The following NDRG1 variants were observed in gnomAD, a reference collection of about 807,000 sequenced individuals.
NDRG1 encodes the protein N-myc downstream regulated 1.
NDRG1 carries 32 observed loss-of-function variants against 56.9 expected under a neutral mutation model. That is an observed-to-expected ratio of 0.56 (90% CI 0.42 to 0.76). The LOEUF is 0.76. Ranked by LOEUF, NDRG1 falls within the 30% of genes least tolerant of loss-of-function variation. The pLI, the probability that NDRG1 is intolerant of heterozygous loss-of-function variation, is 0.00. For synonymous variants in NDRG1, 211 were observed against 204.1 expected (o/e 1.03, Z -0.29); for missense variants, 507 against 545.7 (o/e 0.93, Z 0.71).
intron 6 of NDRG1, 101 bp from the exon 7 acceptor site, chr8:133,258,527 A>G: frequency 9.2e-7 from 1 of 1,092,460 alleles, no homozygotes; most frequent in Non-Finnish European, 1.4e-6. Context: ...TGGCTAGGCA[A>G]TGCGGGAGCA....
chr8:133,296,905 C>T (rs1468520986), intron 1 of NDRG1: 3 of 195,604 alleles, frequency 1.5e-5, no homozygotes, highest in Non-Finnish European at 3.3e-5. Context: ...TGAATGGGAC[C>T]CTGTCTTTTT....
intron 9 of NDRG1, among the ~76,000 whole-genome samples, chr8:133,254,283 T>A (rs1405885705): frequency 6.6e-6 from 1 of 152,256 alleles, no homozygotes; most frequent in Non-Finnish European, 1.5e-5. Flanking sequence ...TGTATATGCA[T>A]GTCAATTGTA....
At chr8:133,239,534 A>G (rs1156306798) in intron 15 of NDRG1, 2 of 266,844 alleles carry the variant, frequency 7.5e-6, no homozygotes, top group Non-Finnish European at 7.4e-6. Context: ...CAGGGAGGAC[A>G]CCTGGGGTCA....
At chr8:133,279,379 G>T (rs148834107) in intron 3 of NDRG1, among the ~76,000 whole-genome samples, 6 of 152,226 alleles carry the variant, frequency 3.9e-5, no homozygotes, top group South Asian at 2.1e-4. Context: ...CGGGATGGAT[G>T]GGGGAGCATT....
At chr8:133,254,816 A>G in intron 8 of NDRG1, 1 of 583,070 alleles carries the variant, frequency 1.7e-6, no homozygotes, top group Non-Finnish European at 3.1e-6. Context: ...CCAGTTCCTT[A>G]TTTTCAGAGG....
intron 15 of NDRG1, chr8:133,241,321 T>C (rs1233612628): frequency 6.4e-6 from 1 of 155,934 alleles, no homozygotes; most frequent in Non-Finnish European, 1.4e-5. Context: ...GGGACAGCAC[T>C]TCTGGAAAAA....
Position 133,249,994 on chromosome 8 carries a change from C to T in NDRG1, c.698+446G>A, listed in dbSNP as rs76885495. On this transcript the variant is annotated intron_variant, in intron 10 of 15. Coordinates refer to ENST00000323851, the MANE Select transcript of NDRG1 (RefSeq NM_006096.4). ...CACCTAGTGCTGGTTGAGAGGGCCA[C>T]GCCTTAGGCAAAGGCCATGTTCAGG... Among the ~76,000 whole-genome samples, 453 of 152,298 alleles carry T rather than the reference C, an allele frequency of 3.0e-3. 1 individual carries two copies. The highest frequency in any genetic ancestry group is 5.2e-3 in the Non-Finnish European group (356 of 68,024).
intron 1 of NDRG1, among the ~76,000 whole-genome samples, chr8:133,292,172 G>A (rs1246009938): frequency 6.6e-6 from 1 of 152,208 alleles, no homozygotes; most frequent in Non-Finnish European, 1.5e-5. Context: ...ACAGGCATGA[G>A]CTGCGCTGGA....
intron 3 of NDRG1, 28 bp from the exon 4 acceptor site, chr8:133,264,680 G>C: frequency 6.3e-7 from 1 of 1,585,926 alleles, no homozygotes; most frequent in Non-Finnish European, 8.7e-7. Flanking sequence ...ACAGTGGGCT[G>C]GTCATGTGGG....
chr8:133,242,730 A>G (rs371098757), intron 14 of NDRG1, among the ~76,000 whole-genome samples: 1 of 151,610 alleles, frequency 6.6e-6, no homozygotes, highest in African/African-American at 2.4e-5. Context: ...AAAAAGAAAG[A>G]AAGGAAGAGA....
intron 11 of NDRG1, 106 bp from the exon 12 acceptor site, chr8:133,248,032 T>C: frequency 8.9e-7 from 1 of 1,125,654 alleles, no homozygotes; most frequent in South Asian, 1.2e-5. Context: ...AATGTCATTT[T>C]GGTTTCCCCA....
At chr8:133,239,259 C>A (rs1855249137) in intron 15 of NDRG1, 140 bp from the exon 16 acceptor site, 2 of 1,333,492 alleles carry the variant, frequency 1.5e-6, no homozygotes, top group East Asian at 2.5e-5. Context: ...AGCTGCTGGG[C>A]CCCCGTCCTC....
In NDRG1 at chr8:133,271,956, C is replaced by A. The variant is rs200968799; in HGVS notation, c.100-7304G>T. ...GTGCTATATCATGACAGCCATTGAA[C>A]AGCCTTTGGGGCTGAAGTATAGGTG... On this transcript the variant is annotated intron_variant, in intron 3 of 15. Transcript: ENST00000323851. Among the ~76,000 whole-genome samples the A allele has an allele frequency of 3.3e-5, 5 of 152,254 alleles. No individual in the cohort carries two copies. In the East Asian group the frequency reaches 9.6e-4, roughly 29 times the overall value.
At chr8:133,280,189 G>A (rs1468762147) in intron 3 of NDRG1, 43 bp downstream of exon 3, 2 of 1,608,180 alleles carry the variant, frequency 1.2e-6, no homozygotes, top group African/African-American at 1.3e-5. Flanking sequence ...AAAAAGAGAA[G>A]ACGGGATGAG....
At chr8:133,284,110 A>T (rs1288255144) in intron 2 of NDRG1, 139 bp downstream of exon 2, 1 of 770,300 alleles carries the variant, frequency 1.3e-6, no homozygotes, top group African/African-American at 1.7e-5. Context: ...GCATGTTTGT[A>T]TGCCGTGTGT....
intron 3 of NDRG1, among the ~76,000 whole-genome samples, chr8:133,279,303 C>G (rs11785936): frequency 0.31 from 47,744 of 152,120 alleles, 9,171 homozygotes; most frequent in African/African-American, 0.52. Context: ...CATCTACTAG[C>G]CAATGCTTCC....
At chr8:133,259,361 C>T in intron 5 of NDRG1, 131 bp from the exon 6 acceptor site, 1 of 856,148 alleles carries the variant, frequency 1.2e-6, no homozygotes, top group African/African-American at 1.7e-5. Flanking sequence ...ACCCCCAAGT[C>T]TAGTCCCTTC....
At chr8:133,250,265 A>T (rs1435930906) in intron 10 of NDRG1, among the ~76,000 whole-genome samples, 175 bp downstream of exon 10, 2 of 152,192 alleles carry the variant, frequency 1.3e-5, no homozygotes, top group Non-Finnish European at 2.9e-5. Flanking sequence ...GCCAGGAACC[A>T]GCTTACAGGC....
intron 5 of NDRG1, among the ~76,000 whole-genome samples, chr8:133,261,565 A>G (rs1856661126): frequency 6.6e-6 from 1 of 152,192 alleles, no homozygotes. Context: ...CAAATGATGA[A>G]GCCTAGCCCA....
Sources: allele counts gnomAD v4.1 joint callset (sites outside exome capture counted in the v4.1 genomes callset), GRCh38; gene constraint gnomAD v4.1.1; transcripts MANE v1.5; gene names NCBI Gene and HGNC (gene_info 2026-07-23, HGNC 2026-07-21).